Variants in GLO1 observed in about 807,000 individuals in gnomAD.
GLO1 encodes lactoylglutathione lyase.
Under a neutral mutation model 26.0 loss-of-function variants are expected in GLO1, and 28 were observed. That is an observed-to-expected ratio of 1.08 (90% CI 0.80 to 1.48). The LOEUF is 1.48. GLO1 is among the 40% of genes most tolerant of loss of function. GLO1 has a pLI of 0.00. For synonymous variants in GLO1, 78 were observed against 77.6 expected, an observed-to-expected ratio of 1.00 and a Z score of -0.03; for missense variants, 225 against 224.8, an observed-to-expected ratio of 1.00 and a Z score of -0.01.
At chr6:38,679,407 C>T (rs1761332400) in intron 5 of GLO1, among the ~76,000 whole-genome samples, 1 of 152,142 alleles carries the variant, frequency 6.6e-6, no homozygotes, top group South Asian at 2.1e-4. Flanking sequence ...AAGTGATCCT[C>T]CCGAACCTCC....
chr6:38,702,913 C>T, intron 1 of GLO1, 58 bp downstream of exon 1: 4 of 978,794 alleles, frequency 4.1e-6, no homozygotes, highest in South Asian at 1.3e-5. Flanking sequence ...GGATAGAATG[C>T]GGCCCGGTCC....
intron 1 of GLO1, among the ~76,000 whole-genome samples, chr6:38,691,411 C>A (rs557036616): frequency 5.9e-5 from 9 of 152,088 alleles, no homozygotes; most frequent in East Asian, 5.8e-4. Flanking sequence ...GAGCTTCAAG[C>A]GATTCTCCTG....
intron 3 of GLO1, 140 bp from the exon 4 acceptor site, chr6:38,683,015 T>G: frequency 1.7e-6 from 1 of 588,742 alleles, no homozygotes; most frequent in Non-Finnish European, 3.1e-6. Context: ...ATATTAAGTT[T>G]TCAACTATAG....
intron 1 of GLO1, among the ~76,000 whole-genome samples, chr6:38,699,642 C>G (rs150649525): frequency 0.032 from 4,941 of 152,136 alleles, 247 homozygotes; most frequent in African/African-American, 0.1. Context: ...TCTATAAACG[C>G]CCGCTCTGGG....
At chr6:38,702,630 C>G (rs897774945) in intron 1 of GLO1, among the ~76,000 whole-genome samples, 1 of 152,106 alleles carries the variant, frequency 6.6e-6, no homozygotes, top group Non-Finnish European at 1.5e-5. Flanking sequence ...ATCTTTGAAC[C>G]TATTTCTGGG....
intron 3 of GLO1, 188 bp from the exon 4 acceptor site, chr6:38,683,063 A>G (rs1302753196): frequency 7.1e-6 from 4 of 564,612 alleles, no homozygotes; most frequent in Non-Finnish European, 1.3e-5. Flanking sequence ...TAACGAGACT[A>G]AAGAGACAGT....
intron 5 of GLO1, among the ~76,000 whole-genome samples, chr6:38,680,411 C>T (rs1378532756): frequency 1.3e-5 from 2 of 152,082 alleles, no homozygotes; most frequent in Admixed American, 1.3e-4. Flanking sequence ...ATCCCAGCTA[C>T]TCGGGAGGCT....
chr6:38,684,794 C>T (rs193252127), intron 2 of GLO1, among the ~76,000 whole-genome samples: 11 of 152,104 alleles, frequency 7.2e-5, no homozygotes, highest in South Asian at 2.1e-4. Flanking sequence ...TAAATAGAAA[C>T]GGCTATCTCC....
At chr6:38,695,999 CA>C (rs2127548543) in intron 1 of GLO1, among the ~76,000 whole-genome samples, 1 of 152,252 alleles carries the variant, frequency 6.6e-6, no homozygotes, top group Admixed American at 6.5e-5. Flanking sequence ...TTCTTCTCAC[CA>C]CCTTTCAGAG....
chr6:38,681,253 A>G (rs1000487665), intron 5 of GLO1, among the ~76,000 whole-genome samples: 10 of 152,132 alleles, frequency 6.6e-5, no homozygotes, highest in Non-Finnish European at 1.0e-4. Context: ...TGGTAGAGAC[A>G]GGGTTTCACC....
chr6:38,703,118 T>G lies in GLO1; in HGVS notation c.-64A>C. On this transcript the variant is annotated 5_prime_UTR_variant, in exon 1 of 6. Transcript: ENST00000373365. ...ACGGAGGAGTCACCCACACTACGCC[T>G]CGGCCCTGTGCCGCCTTAACTAGGA... 1.0e-6 allele frequency: 1 copy of G among 959,854 alleles called. No homozygotes were observed. The allele number at this position is 959,854 out of a possible 1,614,324, so 59.5% of individuals were successfully genotyped here.
intron 1 of GLO1, among the ~76,000 whole-genome samples, chr6:38,692,181 A>G (rs1761540666): frequency 6.6e-6 from 1 of 152,198 alleles, no homozygotes; most frequent in Admixed American, 6.5e-5. Flanking sequence ...CATGAACACA[A>G]TAAATCTCTC....
intron 1 of GLO1, among the ~76,000 whole-genome samples, chr6:38,701,216 G>A (rs1237027575): frequency 1.3e-5 from 2 of 152,212 alleles, no homozygotes; most frequent in Non-Finnish European, 2.9e-5. Flanking sequence ...CTATGTGCCT[G>A]AGTGTCCTTA....
chr6:38,680,330 T>C (rs897128935), intron 5 of GLO1, among the ~76,000 whole-genome samples: 3 of 152,168 alleles, frequency 2.0e-5, no homozygotes, highest in African/African-American at 7.2e-5. Flanking sequence ...GAGACCAGCC[T>C]GACCAACATG....
chr6:38,683,897 T>A (rs1298400681), intron 3 of GLO1, among the ~76,000 whole-genome samples: 2 of 149,658 alleles, frequency 1.3e-5, no homozygotes, highest in African/African-American at 4.9e-5. Context: ...AAAAAATAAA[T>A]AAATAAATAA....
At chr6:38,699,841 T>C (rs969089521) in intron 1 of GLO1, among the ~76,000 whole-genome samples, 1 of 152,232 alleles carries the variant, frequency 6.6e-6, no homozygotes, top group African/African-American at 2.4e-5. Flanking sequence ...CTGCTGAACA[T>C]AGACCCTTAT....
intron 5 of GLO1, 48 bp from the exon 6 acceptor site, chr6:38,677,431 C>T (rs993899054): frequency 2.3e-6 from 2 of 855,594 alleles, no homozygotes; most frequent in African/African-American, 1.7e-5. Flanking sequence ...AAAGAAAACA[C>T]CATAAAAATG....
chr6:38,681,102 C>T (rs758903518), intron 5 of GLO1, among the ~76,000 whole-genome samples: 86 of 152,182 alleles, frequency 5.7e-4, no homozygotes, highest in Non-Finnish European at 8.2e-4. Flanking sequence ...CTCACTCTGT[C>T]GCCCAGGCTG....
chr6:38,698,493 A>G (rs1375206707), intron 1 of GLO1, among the ~76,000 whole-genome samples: 1 of 147,562 alleles, frequency 6.8e-6, no homozygotes. Context: ...TTATATTTTT[A>G]TATATTCATA....
Sources: allele counts gnomAD v4.1 joint callset (sites outside exome capture counted in the v4.1 genomes callset), GRCh38; gene constraint gnomAD v4.1.1; transcripts MANE v1.5; gene names NCBI Gene and HGNC (gene_info 2026-07-23, HGNC 2026-07-21).